The following WDFY3 variants were observed in gnomAD, a reference collection of about 807,000 sequenced individuals.
The protein encoded by WDFY3 is WD repeat and FYVE domain-containing protein 3.
WDFY3 carries 66 observed loss-of-function variants against 409.6 expected under a neutral mutation model. The ratio of observed to expected loss-of-function variants is 0.16; its 90% CI spans 0.13 to 0.20. The LOEUF is 0.20. WDFY3 is among the 10% of genes least tolerant of loss of function. The probability of loss-of-function intolerance (pLI) is 1.00; values close to 1 mark genes in which losing one functional copy is unlikely to be tolerated. For synonymous variants in WDFY3, 1,521 were observed against 1,537.1 expected, an observed-to-expected ratio of 0.99 and a Z score of 0.25; for missense variants, 3,031 against 4,298.1, an observed-to-expected ratio of 0.71 and a Z score of 8.24.
intron 29 of WDFY3, among the ~76,000 whole-genome samples, chr4:84,773,815 G>A (rs1320601026): frequency 6.6e-6 from 1 of 152,090 alleles, no homozygotes; most frequent in Non-Finnish European, 1.5e-5. Context: ...CCGCCTCCCG[G>A]GTTCAAGTGA....
intron 58 of WDFY3, among the ~76,000 whole-genome samples, chr4:84,695,447 C>CTG (rs1729926810): frequency 2.1e-5 from 2 of 94,066 alleles, no homozygotes; most frequent in African/African-American, 1.1e-4. Flanking sequence ...CATTTGGGTC[C>CTG]CGTGTGTGTG....
rs367552804 is a variant in WDFY3 at position 84,753,911 on chromosome 4, C to T, written c.5560-35G>A. On this transcript the variant is annotated intron_variant, in intron 34 of 67. Transcript: ENST00000295888. ...GGACATGAGAGGAAACACTATGTTA[C>T]AGTTATTGACACTGCTATAAATTAT... is the stretch of plus-strand genomic sequence containing the variant. The T allele has an allele frequency of 7.3e-6, 11 of 1,501,802 alleles. No individual in the cohort carries two copies. In the African/African-American group the frequency reaches 1.4e-4, roughly 19 times the overall value. 93.0% of individuals were successfully genotyped at this position (1,501,802 alleles called of 1,614,324 possible).
chr4:84,802,338 C>A (rs1750738622), intron 16 of WDFY3, among the ~76,000 whole-genome samples: 1 of 148,902 alleles, frequency 6.7e-6, no homozygotes, highest in Non-Finnish European at 1.5e-5. Context: ...CGGCTCACTG[C>A]AACCTCCGCC....
chr4:84,679,257 G>C lies in WDFY3; in HGVS notation c.9824-15C>G. 2 of 1,482,040 alleles carry C rather than the reference G, an allele frequency of 1.3e-6. 1 individual carries two copies. Among genetic ancestry groups the C allele is most frequent in the South Asian group, 2.8e-5 (2 of 71,880 alleles). The allele number at this position is 1,482,040 out of a possible 1,614,324, so 91.8% of individuals were successfully genotyped here. On this transcript the variant is annotated splice_polypyrimidine_tract_variant and intron_variant, in intron 64 of 67. Transcript: ENST00000295888. The stretch of plus-strand genomic sequence containing the variant: ...GGCTTCCTGCCCTGGGTGAAGCATT[G>C]AGAGAATTGGAACATACGGAACCAT...
At chr4:84,750,028 GTT>G (rs1279992517) in intron 36 of WDFY3, among the ~76,000 whole-genome samples, 1 of 152,096 alleles carries the variant, frequency 6.6e-6, no homozygotes, top group Non-Finnish European at 1.5e-5. Context: ...ATCACTGTAT[GTT>G]TCCAGTCATT....
intron 2 of WDFY3, among the ~76,000 whole-genome samples, chr4:84,901,996 C>T (rs1253032747): frequency 6.6e-6 from 1 of 152,182 alleles, no homozygotes; most frequent in East Asian, 1.9e-4. Context: ...CTCCATTCTA[C>T]TCTCCAGATT....
In WDFY3 at chr4:84,690,530, C is replaced by T. The variant is rs758122406; in HGVS notation, c.9339G>A (p.Lys3113=). ...CVWEMGTSKE[K]AKTVTLKQAL... The stretch of plus-strand genomic sequence containing the variant: ...CCTGTTTGAGGGTGACGGTCTTGGC[C>T]TTTTCTTTGGAGGTGCCCATCTCCC... Residue 3113 remains lysine (K), a synonymous_variant, in exon 61 of 68, where the codon AAG becomes AAA. Transcript: ENST00000295888. 16 of 1,614,086 alleles carry T rather than the reference C, an allele frequency of 9.9e-6. No homozygotes were observed. The South Asian group carries it at 1.8e-4, about 18-fold the overall frequency.
Position 84,850,926 on chromosome 4 carries a change from CTGTTTTTTTTTTTT to C in WDFY3, c.181-915_181-902del, listed in dbSNP as rs1356260503. Among the ~76,000 whole-genome samples the C allele has an allele frequency of 5.8e-3, 187 of 32,156 alleles. 4 individuals are homozygous for C. Among genetic ancestry groups the C allele is most frequent in the African/African-American group, 0.021 (174 of 8,236 alleles). 21.1% of individuals were successfully genotyped at this position (32,156 alleles called of 152,430 possible). A position where few individuals can be genotyped will look rare whatever the true frequency, so the allele number is the denominator to read the frequency against. The stretch of plus-strand genomic sequence containing the variant: ...AATTCTTATTTTTAATTTTATTTAT[CTGTTTTTTTTTTTT>C]TTTTTTTTTTTTTTTTTTTTTTTTT... On this transcript the variant is annotated intron_variant, in intron 4 of 67. Transcript: ENST00000295888.
chr4:84,944,013 C>T (rs1178434820), intron 1 of WDFY3, among the ~76,000 whole-genome samples: 1 of 152,066 alleles, frequency 6.6e-6, no homozygotes, highest in Non-Finnish European at 1.5e-5. Flanking sequence ...TAAATGGAAA[C>T]TTTAGGTTGA....
chr4:84,882,449 CAGAG>C (rs1763664825), intron 3 of WDFY3, among the ~76,000 whole-genome samples: 1 of 152,160 alleles, frequency 6.6e-6, no homozygotes, highest in Non-Finnish European at 1.5e-5. Context: ...TAGAATGAAG[CAGAG>C]ACTCTTCCTG....
At chr4:84,880,866 C>T (rs1222096247) in intron 3 of WDFY3, among the ~76,000 whole-genome samples, 1 of 150,040 alleles carries the variant, frequency 6.7e-6, no homozygotes, top group Non-Finnish European at 1.5e-5. Flanking sequence ...TACAGGCATG[C>T]ACCACCATGC....
intron 36 of WDFY3, among the ~76,000 whole-genome samples, chr4:84,750,989 T>C (rs906217347): frequency 2.0e-5 from 3 of 152,252 alleles, no homozygotes; most frequent in Admixed American, 2.0e-4. Context: ...TAGGAAATTA[T>C]AAGGTAAGAA....
intron 24 of WDFY3, among the ~76,000 whole-genome samples, chr4:84,785,604 T>G (rs933314700): frequency 2.0e-5 from 3 of 152,212 alleles, no homozygotes; most frequent in African/African-American, 4.8e-5. Context: ...AGCAGAAATT[T>G]TCTTTTTATC....
intron 13 of WDFY3, among the ~76,000 whole-genome samples, chr4:84,815,361 C>CA (rs916622888): frequency 6.6e-6 from 1 of 151,620 alleles, no homozygotes; most frequent in South Asian, 2.1e-4. Context: ...CAGTGTTTTT[C>CA]AAAAAAAGGA....
chr4:84,950,116 GA>G (rs1221837487), intron 1 of WDFY3, among the ~76,000 whole-genome samples: 1 of 152,136 alleles, frequency 6.6e-6, no homozygotes. Context: ...GATGAAGCTG[GA>G]AAACATCACT....
chr4:84,780,267 G>A lies in WDFY3; in HGVS notation c.4206C>T (p.Ala1402=), dbSNP rs1464345126. Residue 1402 remains alanine, a synonymous_variant, in exon 26 of 68, where the codon GCC becomes GCT. Transcript: ENST00000295888. The part of the protein sequence containing the change: ...GVRTFVPKPV[A]TTLQYVGGAA... ...CTCCACCAACGTACTGCAAAGTAGT[G>A]GCAACAGGCTTAGGGACAAATGTTC... The A allele has an allele frequency of 6.2e-7, 1 of 1,612,822 alleles. No individual in the cohort carries two copies. Among genetic ancestry groups the A allele is most frequent in the Non-Finnish European group, 8.5e-7 (1 of 1,179,572 alleles).
At chr4:84,857,807 G>A (rs1418798429) in intron 4 of WDFY3, among the ~76,000 whole-genome samples, 1 of 152,074 alleles carries the variant, frequency 6.6e-6, no homozygotes, top group Non-Finnish European at 1.5e-5. Context: ...CTATAAATGC[G>A]TTAATGTTTC....
intron 3 of WDFY3, among the ~76,000 whole-genome samples, chr4:84,870,540 A>G (rs1762005393): frequency 6.6e-6 from 1 of 152,154 alleles, no homozygotes; most frequent in African/African-American, 2.4e-5. Flanking sequence ...TCAAGATCTG[A>G]GAAAGATCCC....
chr4:84,958,991 A>G (rs1774581289), intron 1 of WDFY3, among the ~76,000 whole-genome samples: 1 of 152,224 alleles, frequency 6.6e-6, no homozygotes, highest in Non-Finnish European at 1.5e-5. Context: ...ATAATAATAT[A>G]GTATATAATG....
Sources: allele counts gnomAD v4.1 joint callset (sites outside exome capture counted in the v4.1 genomes callset), GRCh38; gene constraint gnomAD v4.1.1; transcripts MANE v1.5; gene names NCBI Gene and HGNC (gene_info 2026-07-23, HGNC 2026-07-21).